Variants in GALNT13 observed in about 807,000 individuals in gnomAD.
GALNT13 encodes the protein UDP-GalNAc:polypeptide N-acetylgalactosaminyltransferase 13.
In GALNT13, 28 loss-of-function variants were observed where a neutral mutation model predicts 64.2. That is an observed-to-expected ratio of 0.44 (90% CI 0.32 to 0.60). The LOEUF (loss-of-function observed/expected upper bound fraction) is 0.60. Ranked by LOEUF, GALNT13 falls within the 20% of genes least tolerant of loss-of-function variation. The probability of loss-of-function intolerance (pLI) is 0.05; values close to 1 mark genes in which losing one functional copy is unlikely to be tolerated. For missense variants in GALNT13, 577 were observed against 669.8 expected (o/e 0.86, Z 1.53); for synonymous variants, 214 against 224.6 (o/e 0.95, Z 0.42).
chr2:154,352,530 T>C (rs746250610), intron 9 of GALNT13, among the ~76,000 whole-genome samples: 2 of 152,174 alleles, frequency 1.3e-5, no homozygotes, highest in Non-Finnish European at 2.9e-5. Flanking sequence ...TACTCCCAGA[T>C]TACAAAGGAG....
chr2:153,814,245 C>T, the GALNT13 span, among the ~76,000 whole-genome samples: 394 of 152,184 alleles, frequency 2.6e-3, 4 homozygotes, highest in African/African-American at 9.0e-3. Context: ...TCGAGACCAT[C>T]CTGGCTAACA....
At chr2:153,625,668 TG>T in the GALNT13 span, among the ~76,000 whole-genome samples, 1 of 152,168 alleles carries the variant, frequency 6.6e-6, no homozygotes, top group African/African-American at 2.4e-5. Flanking sequence ...TTATCCTCCT[TG>T]ACTGTTGCTG....
the GALNT13 span, among the ~76,000 whole-genome samples, chr2:153,829,401 C>T: frequency 6.6e-6 from 1 of 152,066 alleles, no homozygotes; most frequent in Admixed American, 6.6e-5. Flanking sequence ...GAGCAAGTCT[C>T]ATCTTACATA....
At chr2:153,447,498 A>T in the GALNT13 span, among the ~76,000 whole-genome samples, 1 of 152,340 alleles carries the variant, frequency 6.6e-6, no homozygotes, top group East Asian at 1.9e-4. Context: ...ACTGAAAGGT[A>T]ACCACGATTA....
chr2:153,697,905 T>TCTTGG, the GALNT13 span, among the ~76,000 whole-genome samples: 1 of 152,096 alleles, frequency 6.6e-6, no homozygotes, highest in African/African-American at 2.4e-5. Flanking sequence ...AAGATAATAA[T>TCTTGG]GACTTAGGCC....
chr2:153,677,724 G>A, the GALNT13 span, among the ~76,000 whole-genome samples: 1 of 151,204 alleles, frequency 6.6e-6, no homozygotes, highest in African/African-American at 2.4e-5. Context: ...GACCAATGAA[G>A]CTGCACACTT....
chr2:154,254,728 T>G (rs1160477569), intron 7 of GALNT13, among the ~76,000 whole-genome samples: 2 of 152,194 alleles, frequency 1.3e-5, no homozygotes, highest in Non-Finnish European at 2.9e-5. Flanking sequence ...ATGTACACAC[T>G]GAACAGAGTC....
At chr2:153,258,278 G>T in the GALNT13 span, among the ~76,000 whole-genome samples, 4 of 152,082 alleles carry the variant, frequency 2.6e-5, no homozygotes, top group Non-Finnish European at 5.9e-5. Flanking sequence ...GAGCTCAGTG[G>T]CTTCCCCCCA....
At chr2:153,126,074 A>G in the GALNT13 span, among the ~76,000 whole-genome samples, 14 of 151,396 alleles carry the variant, frequency 9.2e-5, no homozygotes, top group African/African-American at 3.4e-4. Context: ...AAATTTATGG[A>G]TTAAATAAAA....
the GALNT13 span, among the ~76,000 whole-genome samples, chr2:153,685,507 GGTT>G: frequency 6.6e-6 from 1 of 151,758 alleles, no homozygotes; most frequent in Non-Finnish European, 1.5e-5. Flanking sequence ...TTTTAAATGG[GGTT>G]GTTTATTTTT....
At chr2:154,100,475 T>A (rs1702290041) in intron 3 of GALNT13, among the ~76,000 whole-genome samples, 1 of 152,134 alleles carries the variant, frequency 6.6e-6, no homozygotes, top group Non-Finnish European at 1.5e-5. Flanking sequence ...CTATTGTAAA[T>A]GAGATTGAGT....
chr2:153,306,276 G>T, the GALNT13 span, among the ~76,000 whole-genome samples: 1 of 152,136 alleles, frequency 6.6e-6, no homozygotes, highest in African/African-American at 2.4e-5. Context: ...TTGCTGTCAT[G>T]AGCAGCTGCA....
chr2:154,221,302 T>C (rs1688310349), intron 4 of GALNT13, among the ~76,000 whole-genome samples: 1 of 152,102 alleles, frequency 6.6e-6, no homozygotes, highest in South Asian at 2.1e-4. Flanking sequence ...ATATCATGTA[T>C]ATTGTATTAG....
chr2:154,178,845 C>T (rs1685801675), intron 4 of GALNT13, among the ~76,000 whole-genome samples: 1 of 152,138 alleles, frequency 6.6e-6, no homozygotes, highest in Non-Finnish European at 1.5e-5. Context: ...TCATGTGGCT[C>T]CCTTCCTAAC....
the GALNT13 span, among the ~76,000 whole-genome samples, chr2:153,082,393 G>A: frequency 6.6e-6 from 1 of 151,140 alleles, no homozygotes; most frequent in Admixed American, 6.6e-5. Flanking sequence ...CACTTGAAAG[G>A]GAGGATGTAT....
At chr2:153,210,806 T>A in the GALNT13 span, among the ~76,000 whole-genome samples, 2 of 152,228 alleles carry the variant, frequency 1.3e-5, no homozygotes, top group African/African-American at 4.8e-5. Flanking sequence ...TTAAGGTTTC[T>A]ATTTCTTCCA....
the GALNT13 span, among the ~76,000 whole-genome samples, chr2:153,191,997 A>C: frequency 6.6e-6 from 1 of 151,618 alleles, no homozygotes; most frequent in Non-Finnish European, 1.5e-5. Context: ...CTTTTCAAAA[A>C]CCAACTTTTC....
chr2:153,280,558 T>A, the GALNT13 span, among the ~76,000 whole-genome samples: 4 of 152,170 alleles, frequency 2.6e-5, no homozygotes, highest in East Asian at 3.8e-4. Flanking sequence ...GATTTTGGTA[T>A]GTCATGTCTT....
At chr2:154,208,646 G>GTGTGTT (rs1376855586) in intron 4 of GALNT13, among the ~76,000 whole-genome samples, 155 of 140,310 alleles carry the variant, frequency 1.1e-3, no homozygotes, top group African/African-American at 4.0e-3. Context: ...GTGTGTGTGT[G>GTGTGTT]TGTGTGTGTG....
Sources: gnomAD v4.1 joint callset for allele counts (sites outside exome capture counted in the v4.1 genomes callset) on GRCh38, gnomAD v4.1.1 for gene constraint, MANE v1.5 for transcripts, NCBI Gene and HGNC (gene_info 2026-07-23, HGNC 2026-07-21) for gene names.